The following CD164 variants were observed in gnomAD, a reference collection of about 807,000 sequenced individuals.
The protein encoded by CD164 is sialomucin core protein 24.
Under a neutral mutation model 24.6 loss-of-function variants are expected in CD164, and 11 were observed. The ratio of observed to expected loss-of-function variants is 0.45; its 90% CI spans 0.28 to 0.74. CD164 has a LOEUF of 0.74. Ranked by LOEUF, CD164 falls within the 30% of genes least tolerant of loss-of-function variation. The pLI is 0.13. For missense variants in CD164, 295 were observed against 243.7 expected (o/e 1.21, Z -1.40); for synonymous variants, 126 against 100.3 (o/e 1.26, Z -1.53).
chr6:109,381,839 G>T, intron 1 of CD164: 1 of 533,640 alleles, frequency 1.9e-6, no homozygotes, highest in Non-Finnish European at 3.3e-6. Context: ...CGCGACGCCC[G>T]GCCCCATCCT....
Position 109,382,286 on chromosome 6 carries a change from C to T in CD164, c.93G>A (p.Pro31=), listed in dbSNP as rs762272388. 4.4e-6 allele frequency: 7 copies of T among 1,586,726 alleles called. No homozygotes were observed. Among genetic ancestry groups the T allele is most frequent in the Admixed American group, 1.8e-5 (1 of 56,220 alleles). The part of the protein sequence containing the change: ...LSADKNTTQH[P]NVTTLAPISN... The stretch of plus-strand genomic sequence containing the variant: ...AGATGGGCGCTAAAGTCGTCACGTT[C>T]GGGTGCTGGGTCGTGTTCTTGTCCG... The change falls in exon 1 of 6, where the codon CCG becomes CCA. Residue 31 remains proline, a synonymous_variant. Transcript: ENST00000310786.
chr6:109,375,404 G>C (rs560783408), intron 4 of CD164, among the ~76,000 whole-genome samples: 1 of 152,088 alleles, frequency 6.6e-6, no homozygotes, highest in African/African-American at 2.4e-5. Context: ...ATCACTTTAA[G>C]TCAGGATTTC....
At chr6:109,380,971 C>T (rs1562244646) in intron 1 of CD164, among the ~76,000 whole-genome samples, 1 of 152,282 alleles carries the variant, frequency 6.6e-6, no homozygotes, top group East Asian at 1.9e-4. Context: ...AAAAACAAAA[C>T]ATTAAGTTTA....
rs551697941 is a variant in CD164 at position 109,379,674 on chromosome 6, G to T, written c.176-12C>A. ...ACCTTCACAGGTTTCTGGGGAGTTG[G>T]GGGGAGAGATGCATGAAATCAATGA... On this transcript the variant is annotated splice_polypyrimidine_tract_variant and intron_variant, in intron 1 of 5. Coordinates refer to ENST00000310786, the MANE Select transcript of CD164 (RefSeq NM_006016.6). 4 of 1,601,292 alleles carry T rather than the reference G, an allele frequency of 2.5e-6. No individual in the cohort carries two copies. The highest frequency in any genetic ancestry group is 3.4e-5 in the Admixed American group (2 of 58,510).
intron 3 of CD164, among the ~76,000 whole-genome samples, chr6:109,377,229 C>T (rs141811992): frequency 0.015 from 2,264 of 152,328 alleles, 57 homozygotes; most frequent in African/African-American, 0.052. Flanking sequence ...ACAAAATTCA[C>T]ATTGGGATGG....
chr6:109,382,467 T>C lies in CD164; in HGVS notation c.-89A>G, dbSNP rs1044723148. 7.8e-7 allele frequency: 1 copy of C among 1,284,864 alleles called. No homozygotes were observed. Among genetic ancestry groups the C allele is most frequent in the Admixed American group, 3.1e-5 (1 of 32,346 alleles). 79.6% of individuals were successfully genotyped at this position (1,284,864 alleles called of 1,614,324 possible). A position where few individuals can be genotyped will look rare whatever the true frequency, so the allele number is the denominator to read the frequency against. On this transcript the variant is annotated 5_prime_UTR_variant, in exon 1 of 6. Coordinates refer to ENST00000310786, the MANE Select transcript of CD164 (RefSeq NM_006016.6). ...TCCCCTGCGGCGCCGCCTCCGAGAC[T>C]ACGCTCCCCCGCGGGAGCGCGCAGG...
chr6:109,369,268 G>A (rs1770950653), intron 5 of CD164, among the ~76,000 whole-genome samples: 1 of 152,126 alleles, frequency 6.6e-6, no homozygotes. Context: ...AATTCTCCTA[G>A]TACATAAATT....
At chr6:109,377,174 C>A (rs183411044) in intron 3 of CD164, among the ~76,000 whole-genome samples, 28 of 152,218 alleles carry the variant, frequency 1.8e-4, no homozygotes, top group Admixed American at 1.8e-3. Flanking sequence ...TATTATGCAC[C>A]CTGTGTGAAG....
At chr6:109,382,052 C>G in intron 1 of CD164, 152 bp downstream of exon 1, 1 of 586,590 alleles carries the variant, frequency 1.7e-6, no homozygotes, top group Non-Finnish European at 2.5e-6. Flanking sequence ...GGACTCCAGG[C>G]TGGCCGCCAT....
intron 1 of CD164, chr6:109,381,958 C>A (rs1378410899): frequency 5.3e-6 from 2 of 378,652 alleles, no homozygotes; most frequent in South Asian, 1.5e-4. Context: ...TGCAACACTT[C>A]GAGGGGGGCC....
intron 5 of CD164, 135 bp from the exon 6 acceptor site, chr6:109,369,152 T>C: frequency 2.7e-6 from 2 of 749,200 alleles, no homozygotes; most frequent in South Asian, 1.9e-5. Flanking sequence ...ACAGCTAGAA[T>C]TTATCCCTAA....
intron 4 of CD164, among the ~76,000 whole-genome samples, chr6:109,373,313 C>A (rs1167280978): frequency 2.6e-5 from 4 of 152,130 alleles, no homozygotes; most frequent in Non-Finnish European, 5.9e-5. Context: ...TTATAATTAA[C>A]CTCATTATAC....
At chr6:109,370,304 G>A in intron 5 of CD164, 107 bp downstream of exon 5, 1 of 862,228 alleles carries the variant, frequency 1.2e-6, no homozygotes, top group Admixed American at 2.1e-5. Flanking sequence ...AAGAATTTCA[G>A]TTCCATAACC....
intron 5 of CD164, 139 bp downstream of exon 5, chr6:109,370,272 T>C: frequency 1.5e-6 from 1 of 668,074 alleles, no homozygotes; most frequent in Non-Finnish European, 2.6e-6. Context: ...AGCACTACCT[T>C]GATCCCCCCT....
chr6:109,382,380 GTGTC>G lies in CD164; in HGVS notation c.-6_-3del. 6.5e-7 allele frequency: 1 copy of G among 1,533,748 alleles called. No individual in the cohort carries two copies. Among genetic ancestry groups the G allele is most frequent in the Non-Finnish European group, 8.7e-7 (1 of 1,145,144 alleles). On this transcript the variant is annotated 5_prime_UTR_variant, in exon 1 of 6. Coordinates refer to ENST00000310786, the MANE Select transcript of CD164 (RefSeq NM_006016.6). ...CAGTGAGCGGGAGAGCCGCGACATC[GTGTC>G]CTCAGCGCTGGCGTTCGGGAGAAAG...
At chr6:109,375,150 C>G (rs575271629) in intron 4 of CD164, among the ~76,000 whole-genome samples, 3 of 152,222 alleles carry the variant, frequency 2.0e-5, no homozygotes, top group East Asian at 1.9e-4. Flanking sequence ...TTCTGGAGAG[C>G]CTTAAAATAA....
intron 2 of CD164, among the ~76,000 whole-genome samples, chr6:109,379,202 T>A (rs957875531): frequency 1.3e-5 from 2 of 152,128 alleles, no homozygotes; most frequent in African/African-American, 4.8e-5. Context: ...GTACTCTCAA[T>A]CCTTAGAACA....
intron 4 of CD164, among the ~76,000 whole-genome samples, chr6:109,374,529 C>A (rs528589610): frequency 3.9e-5 from 6 of 152,248 alleles, no homozygotes; most frequent in African/African-American, 1.4e-4. Context: ...TCCTGAGTTC[C>A]TTCTGGCATC....
At chr6:109,376,249 A>G in intron 3 of CD164, 137 bp from the exon 4 acceptor site, 1 of 547,050 alleles carries the variant, frequency 1.8e-6, no homozygotes, top group Non-Finnish European at 3.1e-6. Flanking sequence ...TACCTGTGGA[A>G]GAGACTGACA....
Sources: gnomAD v4.1 joint callset for allele counts (sites outside exome capture counted in the v4.1 genomes callset) on GRCh38, gnomAD v4.1.1 for gene constraint, MANE v1.5 for transcripts, NCBI Gene and HGNC (gene_info 2026-07-23, HGNC 2026-07-21) for gene names.